The following FANCC variants were observed in gnomAD, a reference collection of about 807,000 sequenced individuals.
FANCC encodes the protein FA complementation group C, also known as Fanconi anemia group C protein.
A neutral mutation model predicts 71.3 loss-of-function variants in FANCC; 55 were observed. That is an observed-to-expected ratio of 0.77 (90% CI 0.62 to 0.97). FANCC has a LOEUF of 0.97. Among genes scored for constraint, FANCC ranks in the 50% least tolerant of loss-of-function variants. FANCC has a pLI of 0.00. For missense variants in FANCC, 678 were observed against 670.9 expected (o/e 1.01, Z -0.12); for synonymous variants, 275 against 244.9 (o/e 1.12, Z -1.15).
rs548642592 is a variant in FANCC at position 95,301,581 on chromosome 9, C to T, written c.-79+15945G>A. On this transcript the variant is annotated intron_variant, in intron 1 of 14. Transcript: ENST00000289081. ...TAGCTGGGACCACAGGCATGCACCA[C>T]CATGCCCAGCTAATTCTTTTTTTCT... Among the ~76,000 whole-genome samples the T allele has an allele frequency of 3.1e-4, 47 of 152,078 alleles. 1 individual carries two copies. Among genetic ancestry groups the T allele is most frequent in the Admixed American group, 3.3e-4 (5 of 15,280 alleles).
intron 4 of FANCC, among the ~76,000 whole-genome samples, chr9:95,201,036 A>G (rs1433613809): frequency 3.3e-5 from 5 of 152,212 alleles, no homozygotes; most frequent in African/African-American, 1.2e-4. Flanking sequence ...GCAAATCTCT[A>G]TAATGAATTG....
At chr9:95,125,034 A>T (rs1259766701) in intron 10 of FANCC, 52 bp downstream of exon 10, 2 of 1,481,642 alleles carry the variant, frequency 1.3e-6, no homozygotes, top group African/African-American at 2.8e-5. Context: ...AAATACTCTC[A>T]ACAGCGTCTT....
rs996759985 is a variant in FANCC at position 95,137,303 on chromosome 9, C to T, written c.687-1801G>A. 3.9e-5 allele frequency among the ~76,000 whole-genome samples: 6 copies of T among 151,978 alleles called. No homozygotes were observed. In the South Asian group the frequency reaches 8.3e-4, roughly 21 times the overall value. ...CCTGCAGACCTTGTCCAGGGTTGAC[C>T]GTGGGGCAAGAGCAGCAGGGAAGAG... On this transcript the variant is annotated intron_variant, in intron 7 of 14. Coordinates refer to ENST00000289081, the MANE Select transcript of FANCC (RefSeq NM_000136.3).
At chr9:95,238,712 C>T (rs185417100) in intron 4 of FANCC, among the ~76,000 whole-genome samples, 1 of 152,050 alleles carries the variant, frequency 6.6e-6, no homozygotes, top group Non-Finnish European at 1.5e-5. Context: ...AGTACAGGCA[C>T]GTGCCACCAT....
chr9:95,113,548 C>T (rs1211560472), intron 12 of FANCC, among the ~76,000 whole-genome samples: 2 of 151,550 alleles, frequency 1.3e-5, no homozygotes, highest in Non-Finnish European at 2.9e-5. Context: ...AATCCCAGCA[C>T]GACGGGAGGC....
At chr9:95,287,462 T>C (rs1426267904) in intron 1 of FANCC, among the ~76,000 whole-genome samples, 1 of 152,202 alleles carries the variant, frequency 6.6e-6, no homozygotes, top group African/African-American at 2.4e-5. Flanking sequence ...CCTTCTAAGA[T>C]CCTCAGTGGA....
intron 4 of FANCC, among the ~76,000 whole-genome samples, chr9:95,201,743 A>C (rs1827819327): frequency 6.6e-6 from 1 of 152,380 alleles, no homozygotes; most frequent in East Asian, 1.9e-4. Flanking sequence ...TAGTGATTTA[A>C]ATTTGTTCCT....
rs1307860747 is a variant in FANCC, at chr9:95,147,771, GA to G, written c.686+2151del. Among the ~76,000 whole-genome samples, 4 of 152,126 alleles carry G rather than the reference GA, an allele frequency of 2.6e-5. No homozygotes were observed. The East Asian group carries it at 7.7e-4, about 29-fold the overall frequency. The stretch of plus-strand genomic sequence containing the variant: ...TGAGACCAATCATTCAGAGTCTGAA[GA>G]AAAAAAATTTAAATGCAGATGTGAT... On this transcript the variant is annotated intron_variant, in intron 7 of 14. Transcript: ENST00000289081.
At chr9:95,310,180 T>G (rs774154982) in intron 1 of FANCC, among the ~76,000 whole-genome samples, 11 of 152,046 alleles carry the variant, frequency 7.2e-5, no homozygotes, top group South Asian at 2.1e-4. Flanking sequence ...CTAGGTAACA[T>G]AGCATGACTC....
intron 1 of FANCC, among the ~76,000 whole-genome samples, chr9:95,271,825 T>A (rs1832739690): frequency 6.6e-6 from 1 of 151,690 alleles, no homozygotes; most frequent in African/African-American, 2.4e-5. Flanking sequence ...TATTAAGCAC[T>A]TTTGCTGCTG....
chr9:95,297,415 C>T (rs992211526), intron 1 of FANCC, among the ~76,000 whole-genome samples: 3 of 152,180 alleles, frequency 2.0e-5, no homozygotes, highest in South Asian at 2.1e-4. Context: ...TCCCTCTCTC[C>T]GTCCCTCTCT....
rs766479365 is a variant in FANCC at position 95,111,265 on chromosome 9, C to A, written c.1329+198G>T. The A allele has an allele frequency of 1.5e-4, 228 of 1,548,212 alleles. 1 individual carries two copies. The highest frequency in any genetic ancestry group is 3.3e-4 in the Middle Eastern group (2 of 6,024). On this transcript the variant is annotated intron_variant, in intron 13 of 14. Transcript: ENST00000289081. ...GGGCTGGCAGCGTCTCGTCTCTGGC[C>A]ACCTCGGTGGGGACAGGAGAACGCC...
intron 11 of FANCC, among the ~76,000 whole-genome samples, 173 bp from the exon 12 acceptor site, chr9:95,114,883 G>A (rs769369822): frequency 6.6e-6 from 1 of 152,154 alleles, no homozygotes; most frequent in South Asian, 2.1e-4. Context: ...TTAAGCCTGG[G>A]GAAGTAAGAT....
chr9:95,233,760 T>G (rs531993627), intron 4 of FANCC, among the ~76,000 whole-genome samples: 1 of 152,374 alleles, frequency 6.6e-6, no homozygotes, highest in South Asian at 2.1e-4. Flanking sequence ...GTGCACAAGA[T>G]AGTCCACTGA....
intron 13 of FANCC, among the ~76,000 whole-genome samples, chr9:95,110,002 C>A (rs1447575769): frequency 3.9e-5 from 6 of 152,182 alleles, no homozygotes; most frequent in Non-Finnish European, 8.8e-5. Context: ...TCTGGAGTCA[C>A]CAACATGAGC....
intron 1 of FANCC, among the ~76,000 whole-genome samples, chr9:95,286,954 T>C (rs1398071360): frequency 6.6e-6 from 1 of 152,248 alleles, no homozygotes; most frequent in East Asian, 1.9e-4. Context: ...CTAAGGTTAT[T>C]AGAGGAAGCA....
intron 1 of FANCC, among the ~76,000 whole-genome samples, chr9:95,289,149 A>G (rs991386857): frequency 4.9e-4 from 74 of 152,276 alleles, no homozygotes; most frequent in African/African-American, 1.8e-3. Context: ...TACTACTTTT[A>G]TATTTTATTA....
chr9:95,127,169 A>G (rs551212779), intron 8 of FANCC: 1 of 154,064 alleles, frequency 6.5e-6, no homozygotes, highest in African/African-American at 2.4e-5. Flanking sequence ...TTCTCCTTGA[A>G]TATTTCGGTG....
chr9:95,213,384 C>T (rs1317067551), intron 4 of FANCC, among the ~76,000 whole-genome samples: 1 of 152,118 alleles, frequency 6.6e-6, no homozygotes, highest in African/African-American at 2.4e-5. Context: ...AGAAGGCTCA[C>T]ACTTCCTGAT....
Sources: allele counts gnomAD v4.1 joint callset (sites outside exome capture counted in the v4.1 genomes callset), GRCh38; gene constraint gnomAD v4.1.1; transcripts MANE v1.5; gene names NCBI Gene and HGNC (gene_info 2026-07-23, HGNC 2026-07-21).